Variants in SPOCK3 observed in about 807,000 individuals in gnomAD.
SPOCK3 encodes the protein SPARC (osteonectin), cwcv and kazal like domains proteoglycan 3.
In SPOCK3, 30 loss-of-function variants were observed where a neutral mutation model predicts 56.6. The observed-to-expected ratio is 0.53, with a 90% CI of 0.40 to 0.72. SPOCK3 has a LOEUF of 0.72. Among genes scored for constraint, SPOCK3 ranks in the 30% least tolerant of loss-of-function variants. The pLI, the probability that SPOCK3 is intolerant of heterozygous loss-of-function variation, is 0.00. For missense variants in SPOCK3, 527 were observed against 530.0 expected, an observed-to-expected ratio of 0.99 and a Z score of 0.06; for synonymous variants, 196 against 183.3, an observed-to-expected ratio of 1.07 and a Z score of -0.56.
intron 5 of SPOCK3, among the ~76,000 whole-genome samples, chr4:166,909,601 A>C (rs1737036137): frequency 1.3e-5 from 2 of 152,112 alleles, no homozygotes; most frequent in African/African-American, 4.8e-5. Flanking sequence ...GCAAGACTGC[A>C]CTTCCACACT....
intron 2 of SPOCK3, among the ~76,000 whole-genome samples, chr4:167,076,546 A>G (rs1415105929): frequency 2.0e-5 from 3 of 151,948 alleles, no homozygotes; most frequent in African/African-American, 7.2e-5. Flanking sequence ...TTGAATTTAC[A>G]TCTCTAATTA....
rs200728520 is a variant in SPOCK3 at position 167,108,992 on chromosome 4, TTA to T, written c.190-46457_190-46456del. 3.4e-4 allele frequency among the ~76,000 whole-genome samples: 3 copies of T among 8,698 alleles called. 1 individual carries two copies. Among genetic ancestry groups the T allele is most frequent in the African/African-American group, 6.1e-4 (1 of 1,630 alleles). The allele number at this position is 8,698 out of a possible 152,430, so 5.7% of individuals were successfully genotyped here. A position where few individuals can be genotyped will look rare whatever the true frequency, so the allele number is the denominator to read the frequency against. On this transcript the variant is annotated intron_variant, in intron 2 of 10. Transcript: ENST00000357545. ...ATATATAAATATTATAAATATATAT[TTA>T]TATATATATAAATATATACTTATAT...
intron 5 of SPOCK3, among the ~76,000 whole-genome samples, chr4:166,895,036 TTATAA>T (rs1735224847): frequency 6.6e-6 from 1 of 152,142 alleles, no homozygotes; most frequent in African/African-American, 2.4e-5. Context: ...TAGGTTTATC[TTATAA>T]TAATTTCATT....
chr4:166,991,093 G>A (rs76611749), intron 4 of SPOCK3, among the ~76,000 whole-genome samples: 8,957 of 151,710 alleles, frequency 0.059, 293 homozygotes, highest in South Asian at 0.065. Context: ...CTTTTTTTAA[G>A]TCTCCTTATC....
chr4:166,792,414 C>A, intron 6 of SPOCK3, 125 bp from the exon 7 acceptor site: 1 of 971,018 alleles, frequency 1.0e-6, no homozygotes, highest in Non-Finnish European at 1.5e-6. Flanking sequence ...GACTGCATTT[C>A]AGCTTTTTCA....
intron 6 of SPOCK3, among the ~76,000 whole-genome samples, chr4:166,833,406 T>A: frequency 6.6e-6 from 1 of 152,332 alleles, no homozygotes. Flanking sequence ...ATTGATTTTC[T>A]CAATTTTTGT....
intron 7 of SPOCK3, among the ~76,000 whole-genome samples, chr4:166,766,164 T>C (rs891398837): frequency 1.3e-5 from 2 of 152,170 alleles, no homozygotes; most frequent in African/African-American, 2.4e-5. Context: ...ATTTTCCTAA[T>C]TGAATACCCT....
intron 6 of SPOCK3, among the ~76,000 whole-genome samples, chr4:166,841,215 G>A (rs532675723): frequency 5.3e-5 from 8 of 152,204 alleles, no homozygotes; most frequent in South Asian, 2.1e-4. Flanking sequence ...GTGCAAAAAC[G>A]CTTTAAGGAG....
intron 6 of SPOCK3, among the ~76,000 whole-genome samples, chr4:166,811,922 A>G (rs1743852706): frequency 1.3e-5 from 2 of 151,842 alleles, no homozygotes; most frequent in Non-Finnish European, 2.9e-5. Flanking sequence ...TAGATTGGCT[A>G]ATAAGGATGT....
At chr4:167,177,451 G>C (rs992533508) in intron 2 of SPOCK3, among the ~76,000 whole-genome samples, 2 of 152,052 alleles carry the variant, frequency 1.3e-5, no homozygotes, top group African/African-American at 4.8e-5. Context: ...TCCATGAGTT[G>C]GATTTAATAC....
intron 6 of SPOCK3, among the ~76,000 whole-genome samples, chr4:166,829,287 C>G (rs1478593629): frequency 6.6e-6 from 1 of 152,060 alleles, no homozygotes; most frequent in Non-Finnish European, 1.5e-5. Flanking sequence ...CAGATAAAGA[C>G]TACCTTTGTA....
At chr4:167,006,202 A>G (rs550498392) in intron 3 of SPOCK3, among the ~76,000 whole-genome samples, 20 of 152,234 alleles carry the variant, frequency 1.3e-4, no homozygotes, top group African/African-American at 4.6e-4. Flanking sequence ...ATCAAATACA[A>G]TGTTTATCCT....
intron 4 of SPOCK3, among the ~76,000 whole-genome samples, chr4:166,928,282 T>G (rs1273221160): frequency 2.0e-5 from 3 of 152,204 alleles, no homozygotes; most frequent in African/African-American, 7.2e-5. Flanking sequence ...AGACAGATGT[T>G]TATAGCAGCT....
intron 3 of SPOCK3, among the ~76,000 whole-genome samples, chr4:167,038,749 ACACTCTATATAAAGTTACAGAATTAACT>A (rs947858556): frequency 5.3e-5 from 8 of 151,946 alleles, no homozygotes; most frequent in African/African-American, 1.9e-4. Context: ...CAAAATACAT[ACACTCTATATAAAGTTACAGAATTAACT>A]CACAAAGTAA....
At chr4:167,137,038 T>C (rs1465098755) in intron 2 of SPOCK3, among the ~76,000 whole-genome samples, 1 of 152,088 alleles carries the variant, frequency 6.6e-6, no homozygotes, top group Non-Finnish European at 1.5e-5. Context: ...TCTGGGGTAA[T>C]AGCTACCCCA....
intron 3 of SPOCK3, among the ~76,000 whole-genome samples, chr4:167,040,298 G>A (rs545510861): frequency 2.0e-5 from 3 of 152,244 alleles, no homozygotes; most frequent in Admixed American, 2.0e-4. Flanking sequence ...GGAAGGCACA[G>A]CACTCAGTGA....
chr4:167,104,714 G>A (rs567586748), intron 2 of SPOCK3, among the ~76,000 whole-genome samples: 2 of 151,986 alleles, frequency 1.3e-5, no homozygotes, highest in South Asian at 2.1e-4. Flanking sequence ...CCTAGGGAAA[G>A]ATATCAATGT....
Position 167,047,184 on chromosome 4 carries a change from G to A in SPOCK3, c.235+15308C>T, listed in dbSNP as rs77056561. Among the ~76,000 whole-genome samples, 1,465 of 152,288 alleles carry A rather than the reference G, an allele frequency of 9.6e-3. 9 individuals are homozygous for A. Among genetic ancestry groups the A allele is most frequent in the Non-Finnish European group, 0.015 (987 of 68,016 alleles). On this transcript the variant is annotated intron_variant, in intron 3 of 10. Transcript: ENST00000357545. Reference sequence around the variant, plus strand: ...CAGTCATAAGAGGTATCTTCATAGGGAAAGTAGAGCTTGAGTTTGATAGAT... The same window carrying A: ...CAGTCATAAGAGGTATCTTCATAGGAAAAGTAGAGCTTGAGTTTGATAGAT...
At chr4:167,177,094 C>G (rs952101381) in intron 2 of SPOCK3, among the ~76,000 whole-genome samples, 1 of 152,054 alleles carries the variant, frequency 6.6e-6, no homozygotes, top group Non-Finnish European at 1.5e-5. Context: ...GTTCAAGAAA[C>G]TAGAAGGGCA....
Sources: allele counts gnomAD v4.1 joint callset (sites outside exome capture counted in the v4.1 genomes callset), GRCh38; gene constraint gnomAD v4.1.1; transcripts MANE v1.5; gene names NCBI Gene and HGNC (gene_info 2026-07-23, HGNC 2026-07-21).